Variants in NUP153 observed in about 807,000 individuals in gnomAD.
NUP153 encodes nucleoporin 153.
Under a neutral mutation model 134.6 loss-of-function variants are expected in NUP153, and 27 were observed. The ratio of observed to expected loss-of-function variants is 0.20; its 90% CI spans 0.15 to 0.28. NUP153 has a LOEUF of 0.28. NUP153 is among the 10% of genes least tolerant of loss of function. The probability of loss-of-function intolerance (pLI) is 1.00; values close to 1 mark genes in which losing one functional copy is unlikely to be tolerated. For synonymous variants in NUP153, 640 were observed against 623.5 expected, an observed-to-expected ratio of 1.03 and a Z score of -0.40; for missense variants, 1,821 against 1,731.3, an observed-to-expected ratio of 1.05 and a Z score of -0.92.
rs752975703 is a variant in NUP153 at position 17,632,891 on chromosome 6, A to G, written c.2465-47T>C. On this transcript the variant is annotated intron_variant, in intron 16 of 21. Coordinates refer to ENST00000262077, the MANE Select transcript of NUP153 (RefSeq NM_005124.4). ...GGGAGTGGGGGGAGATTTCATGAAAATTTTAATTTACAGTATGTCAGTATC... is the reference window on the plus strand; with the variant it reads ...GGGAGTGGGGGGAGATTTCATGAAAGTTTTAATTTACAGTATGTCAGTATC... 62 of 1,442,442 alleles carry G rather than the reference A, an allele frequency of 4.3e-5. No individual in the cohort carries two copies. The East Asian group carries it at 8.6e-4, about 20-fold the overall frequency. The allele number at this position is 1,442,442 out of a possible 1,614,324, so 89.4% of individuals were successfully genotyped here.
intron 20 of NUP153, among the ~76,000 whole-genome samples, chr6:17,617,370 C>G (rs765946861): frequency 2.0e-5 from 3 of 148,538 alleles, no homozygotes; most frequent in Non-Finnish European, 4.4e-5. Context: ...ACTAAACGAG[C>G]AGTAGGGAAA....
chr6:17,637,809 C>T, intron 15 of NUP153, 39 bp from the exon 16 acceptor site: 1 of 1,539,262 alleles, frequency 6.5e-7, no homozygotes, highest in Non-Finnish European at 8.7e-7. Flanking sequence ...GTTAGAGAAG[C>T]TTTATAAATC....
chr6:17,682,789 A>G (rs1768671197), intron 2 of NUP153, among the ~76,000 whole-genome samples: 1 of 151,926 alleles, frequency 6.6e-6, no homozygotes. Context: ...GTGGTGGCAC[A>G]TGCCTGTAGT....
In NUP153 at chr6:17,628,908, C is replaced by T. The variant is rs1765084282; in HGVS notation, c.3291G>A (p.Val1097=). ...TCTCTTCTGTCCTTCCCAAAACAAA[C>T]ACTGAGGCAGATGGCAGAGAGGCAG... The part of the protein sequence containing the change: ...VEPASLPSAS[V]FVLGRTEEKQ... The change falls in exon 18 of 22, where the codon GTG becomes GTA. Residue 1097 remains valine, a synonymous_variant. Transcript: ENST00000262077. The surrounding 1 kb of genome is among the most constrained non-coding windows in gnomAD (Gnocchi z 5.4). 6.2e-7 allele frequency: 1 copy of T among 1,614,194 alleles called. No individual in the cohort carries two copies. The highest frequency in any genetic ancestry group is 2.2e-5 in the East Asian group (1 of 44,882).
In NUP153 at chr6:17,628,700, C is replaced by T. The variant is rs1765072418; in HGVS notation, c.3499G>A (p.Ala1167Thr). The T allele has an allele frequency of 6.2e-7, 1 of 1,611,170 alleles. No individual in the cohort carries two copies. ...GCTCCAAAGGCAAAAGTGGCTTTTGCTGGCTGTTCAGATTCCTTCTCAGAT... is the reference window on the plus strand; with the variant it reads ...GCTCCAAAGGCAAAAGTGGCTTTTGTTGGCTGTTCAGATTCCTTCTCAGAT... The part of the protein sequence containing the change: ...KPSEKESEQP[A>T]KATFAFGAQT... Residue 1167 changes from alanine to threonine, a missense_variant, in exon 18 of 22, where the codon GCA (alanine) becomes ACA (threonine). Ala to Thr is a moderately conservative substitution (Grantham distance 58). Coordinates refer to ENST00000262077, the MANE Select transcript of NUP153 (RefSeq NM_005124.4). This position sits in a 1 kb window ranked among gnomAD's most constrained non-coding sequence, Gnocchi z 5.4.
intron 11 of NUP153, among the ~76,000 whole-genome samples, chr6:17,650,412 G>A (rs1239082380): frequency 1.8e-4 from 27 of 152,128 alleles, no homozygotes. Context: ...ATCTCTGGTG[G>A]ACCTGTAAAC....
chr6:17,626,242 G>T, intron 18 of NUP153, 78 bp from the exon 19 acceptor site: 2 of 1,089,678 alleles, frequency 1.8e-6, no homozygotes, highest in South Asian at 3.1e-5. Context: ...CCCTACAATT[G>T]CTAGAATTTT....
intron 1 of NUP153, among the ~76,000 whole-genome samples, chr6:17,705,817 A>C (rs964703608): frequency 1.3e-5 from 2 of 151,266 alleles, no homozygotes; most frequent in Admixed American, 6.6e-5. Flanking sequence ...TCTGCCCCAG[A>C]GTTAAGATTC....
chr6:17,688,441 T>C lies in NUP153; in HGVS notation c.289A>G (p.Thr97Ala), dbSNP rs766470226. ...VYADEESSNITDGRITPEPAV... is the reference protein window; with the variant it reads ...VYADEESSNIADGRITPEPAV... ...GGCTCAGGTGTGATTCTCCCATCAG[T>C]AATATTAGAGCTCTCCTCATCGGCA... The change falls in exon 2 of 22, where the codon ACT (threonine) becomes GCT (alanine). Residue 97 changes from threonine (T) to alanine (A), a missense_variant. Thr to Ala is a moderately conservative substitution (Grantham distance 58, BLOSUM62 0). Coordinates refer to ENST00000262077, the MANE Select transcript of NUP153 (RefSeq NM_005124.4). 6.2e-6 allele frequency: 10 copies of C among 1,614,056 alleles called. No homozygotes were observed. The African/African-American group carries it at 9.3e-5, about 15-fold the overall frequency.
At position 17,629,521 on chromosome 6, in the gene NUP153, G is replaced by A. The variant is rs770450913; in HGVS notation, c.2678C>T (p.Ser893Leu). Residue 893 changes from serine (S) to leucine (L), a missense_variant, in exon 18 of 22, where the codon TCA becomes TTA. Ser to Leu is a moderately radical substitution (Grantham distance 145). Transcript: ENST00000262077. ...SGFKGFDTSS[S>L]SSNSAASSSF... Reference sequence around the variant, plus strand: ...TGAGGAGGCTGCTGAGTTCGAAGATGAGGAAGATGTGTCAAAGCCTACAAA... The same window carrying A: ...TGAGGAGGCTGCTGAGTTCGAAGATAAGGAAGATGTGTCAAAGCCTACAAA... 3.1e-6 allele frequency: 5 copies of A among 1,596,684 alleles called. No homozygotes were observed. The highest frequency in any genetic ancestry group is 4.3e-6 in the Non-Finnish European group (5 of 1,175,258).
rs1040743180 is a variant in NUP153 at position 17,632,702 on chromosome 6, G to A, written c.2607C>T (p.Thr869=). ...TTGCACTTTCACATGCCAAACATTTGGTAGAGTCTGCCTTATTCTGCACTA... is the reference window on the plus strand; with the variant it reads ...TTGCACTTTCACATGCCAAACATTTAGTAGAGTCTGCCTTATTCTGCACTA... ...LCLVQNKADS[T]KCLACESAKP... is the part of the protein sequence containing the mutation. The change falls in exon 17 of 22, where the codon ACC becomes ACT. Residue 869 remains threonine (T), a synonymous_variant. Coordinates refer to ENST00000262077, the MANE Select transcript of NUP153 (RefSeq NM_005124.4). The A allele has an allele frequency of 1.1e-5, 18 of 1,612,916 alleles. No individual in the cohort carries two copies. In the Admixed American group the frequency reaches 1.2e-4, roughly 10 times the overall value.
At chr6:17,618,809 G>A (rs1361172153) in intron 20 of NUP153, among the ~76,000 whole-genome samples, 1 of 152,116 alleles carries the variant, frequency 6.6e-6, no homozygotes, top group Non-Finnish European at 1.5e-5. Flanking sequence ...CTCGTGATCT[G>A]CCCGCCTTGG....
intron 2 of NUP153, among the ~76,000 whole-genome samples, chr6:17,679,197 A>G (rs1768420885): frequency 1.3e-5 from 2 of 152,194 alleles, no homozygotes; most frequent in Admixed American, 1.3e-4. Flanking sequence ...TTAGCCAAGT[A>G]CCAGGATACA....
At chr6:17,617,028 C>T (rs1458736079) in intron 20 of NUP153, among the ~76,000 whole-genome samples, 1 of 152,196 alleles carries the variant, frequency 6.6e-6, no homozygotes, top group Non-Finnish European at 1.5e-5. Context: ...GGATTACAGG[C>T]GTAAGCCACT....
At chr6:17,686,442 C>A (rs1314930570) in intron 2 of NUP153, among the ~76,000 whole-genome samples, 4 of 151,208 alleles carry the variant, frequency 2.6e-5, no homozygotes, top group Admixed American at 1.3e-4. Context: ...GTCGCCCAGG[C>A]TGGAGTGCAG....
intron 14 of NUP153, among the ~76,000 whole-genome samples, chr6:17,645,637 T>C (rs1034384659): frequency 6.6e-6 from 1 of 152,144 alleles, no homozygotes; most frequent in Non-Finnish European, 1.5e-5. Context: ...TCAGAAATTA[T>C]GTATCACAAT....
intron 1 of NUP153, 26 bp from the exon 2 acceptor site, chr6:17,688,644 A>G: frequency 6.5e-7 from 1 of 1,546,844 alleles, no homozygotes; most frequent in Middle Eastern, 1.7e-4. Flanking sequence ...ACATATTATG[A>G]CAGTTTTAGA....
intron 20 of NUP153, among the ~76,000 whole-genome samples, chr6:17,621,332 G>A (rs566140191): frequency 2.6e-5 from 4 of 152,102 alleles, no homozygotes; most frequent in Non-Finnish European, 2.9e-5. Context: ...ATCACCTTAT[G>A]ATCCAGCAAT....
In NUP153 at chr6:17,676,588, T is replaced by C. The variant is rs779197465; in HGVS notation, c.335-818A>G. ...AAGTTCCCAAAAAGAGGCTTCCAGT[T>C]AGAACGGAATAAGTGGGACCAGACC... is the stretch of plus-strand genomic sequence containing the variant. On this transcript the variant is annotated intron_variant, in intron 2 of 21. Coordinates refer to ENST00000262077, the MANE Select transcript of NUP153 (RefSeq NM_005124.4). 4.2e-4 allele frequency among the ~76,000 whole-genome samples: 64 copies of C among 152,138 alleles called. 1 individual carries two copies. Among genetic ancestry groups the C allele is most frequent in the Non-Finnish European group, 7.6e-4 (52 of 68,030 alleles).
Sources: allele counts gnomAD v4.1 joint callset (sites outside exome capture counted in the v4.1 genomes callset), GRCh38; gene constraint gnomAD v4.1.1; non-coding constraint Gnocchi (gnomAD v3.1); transcripts MANE v1.5; gene names NCBI Gene and HGNC (gene_info 2026-07-23, HGNC 2026-07-21).